The following CIRBP variants were observed in gnomAD, a reference collection of about 807,000 sequenced individuals.
The protein encoded by CIRBP is cold inducible RNA binding protein.
Under a neutral mutation model 22.3 loss-of-function variants are expected in CIRBP, and 11 were observed. The ratio of observed to expected loss-of-function variants is 0.49; its 90% CI spans 0.31 to 0.82. The LOEUF is 0.82. Among genes scored for constraint, CIRBP ranks in the 40% least tolerant of loss-of-function variants. The pLI, the probability that CIRBP is intolerant of heterozygous loss-of-function variation, is 0.05. For synonymous variants in CIRBP, 216 were observed against 158.8 expected, an observed-to-expected ratio of 1.36 and a Z score of -2.71; for missense variants, 456 against 402.7, an observed-to-expected ratio of 1.13 and a Z score of -1.13.
Position 1,271,588 on chromosome 19 carries a change from G to C in CIRBP, c.387G>C (p.Glu129Asp). The change falls in exon 5 of 6, where the codon GAG becomes GAC. Residue 129 changes from glutamate to aspartate, a missense_variant. By Grantham distance (45) the Glu-to-Asp change is conservative. Transcript: ENST00000587896. ...GDRGYGGNRFESRSGGYGGSR... is the reference protein window; with the variant it reads ...GDRGYGGNRFDSRSGGYGGSR... ...GAGGCTATGGGGGGAACCGGTTCGAGTCCAGGAGTGGGGGCTACGGAGGCT... is the reference window on the plus strand; with the variant it reads ...GAGGCTATGGGGGGAACCGGTTCGACTCCAGGAGTGGGGGCTACGGAGGCT... 2 of 1,572,544 alleles carry C rather than the reference G, an allele frequency of 1.3e-6. No individual in the cohort carries two copies. Among genetic ancestry groups the C allele is most frequent in the South Asian group, 1.2e-5 (1 of 86,128 alleles).
At position 1,271,407 on chromosome 19, in the gene CIRBP, T is replaced by C. The variant is rs2081337007; in HGVS notation, c.289T>C (p.Ser97Pro). 3.1e-6 allele frequency: 5 copies of C among 1,613,718 alleles called. No individual in the cohort carries two copies. The East Asian group carries it at 1.1e-4, about 36-fold the overall frequency. The stretch of plus-strand genomic sequence containing the variant: ...CCGATCCCGTGGGTACCGTGGTGGC[T>C]CTGCCGGGGGCCGGGGCTTCTTCCG... ...DNRSRGYRGG[S>P]AGGRGFFRGG... Residue 97 changes from serine to proline, a missense_variant, in exon 4 of 6, where the codon TCT becomes CCT. Ser to Pro is a moderately conservative substitution (Grantham distance 74, BLOSUM62 -1). Around this residue, in one of 2 missense-constraint regions of CIRBP, gnomAD observed 426 missense variants for 339.6 expected, o/e 1.25. Coordinates refer to ENST00000587896, the MANE Select transcript of CIRBP (RefSeq NM_001300829.2).
At chr19:1,271,071 G>T (rs770727594) in intron 2 of CIRBP, 35 bp downstream of exon 2, 8 of 1,611,188 alleles carry the variant, frequency 5.0e-6, no homozygotes, top group Non-Finnish European at 6.8e-6. Context: ...CCCTGGGCGG[G>T]GGGGCTTGTG....
intron 1 of CIRBP, 96 bp from the exon 2 acceptor site, chr19:1,270,832 T>C (rs1370670376): frequency 1.2e-6 from 1 of 829,384 alleles, no homozygotes; most frequent in African/African-American, 1.7e-5. Context: ...TTCTAATATT[T>C]CCCCTAAAAA....
rs905116240 is a variant in CIRBP at position 1,274,453 on chromosome 19, G to A, written c.*2010G>A. 5 of 396,532 alleles carry A rather than the reference G, an allele frequency of 1.3e-5. No homozygotes were observed. Among genetic ancestry groups the A allele is most frequent in the East Asian group, 3.6e-5 (1 of 27,846 alleles). 24.6% of individuals were successfully genotyped at this position (396,532 alleles called of 1,614,324 possible). A position where few individuals can be genotyped will look rare whatever the true frequency, so the allele number is the denominator to read the frequency against. ...AGGCTTGTCCCCTGTAAGTGCTTTCGGGAAGAGTGGCATGTGGCGCTGAGC... is the reference window on the plus strand; with the variant it reads ...AGGCTTGTCCCCTGTAAGTGCTTTCAGGAAGAGTGGCATGTGGCGCTGAGC... On this transcript the variant is annotated 3_prime_UTR_variant, in exon 6 of 6. Coordinates refer to ENST00000587896, the MANE Select transcript of CIRBP (RefSeq NM_001300829.2).
In CIRBP at chr19:1,272,216, C is replaced by T. The variant is rs760007622; in HGVS notation, c.667C>T (p.Gln223Ter). Residue 223 changes from glutamine to a stop codon, truncating the protein, a stop_gained, in exon 6 of 6, where the codon CAA (glutamine) becomes TAA (stop). Transcript: ENST00000587896. LOFTEE classifies it low-confidence loss of function (END_TRUNC). ...SSQSHFYRRT[Q>*]KPNETDQKGK... ...TCAGAGCCATTTCTATCGCAGGACG[C>T]AAAAGCCAAATGAGACTGACCAAAA... The T allele has an allele frequency of 1.9e-6, 3 of 1,594,624 alleles. No individual in the cohort carries two copies. Among genetic ancestry groups the T allele is most frequent in the South Asian group, 1.1e-5 (1 of 90,046 alleles).
In CIRBP at chr19:1,273,146, G is replaced by A. The variant is rs1046378714; in HGVS notation, c.*703G>A. The A allele has an allele frequency of 6.6e-6, 1 of 152,268 alleles. No homozygotes were observed. Among genetic ancestry groups the A allele is most frequent in the African/African-American group, 2.4e-5 (1 of 41,464 alleles). The allele number at this position is 152,268 out of a possible 1,614,324, so 9.4% of individuals were successfully genotyped here. A position where few individuals can be genotyped will look rare whatever the true frequency, so the allele number is the denominator to read the frequency against. On this transcript the variant is annotated 3_prime_UTR_variant, in exon 6 of 6. Transcript: ENST00000587896. The stretch of plus-strand genomic sequence containing the variant: ...ACGCAGTTTTCTTTGGCTTTACGAA[G>A]CCGATTAAAAGACCGTGTGAAATGA...
chr19:1,269,990 C>G (rs1037720014), intron 1 of CIRBP: 1 of 519,898 alleles, frequency 1.9e-6, no homozygotes, highest in African/African-American at 1.9e-5. Flanking sequence ...GCCAGACTTC[C>G]AAGTCTAGTT....
At position 1,270,849 on chromosome 19, in the gene CIRBP, G is replaced by A. The variant is rs1331210549; in HGVS notation, c.-6-79G>A. The A allele has an allele frequency of 2.1e-5, 19 of 900,692 alleles. No homozygotes were observed. In the East Asian group the frequency reaches 2.2e-4, roughly 10 times the overall value. The allele number at this position is 900,692 out of a possible 1,614,324, so 55.8% of individuals were successfully genotyped here. ...CTAATATTTCCCCTAAAAAACACAT[G>A]TCATTTACATAAAATAGGAAGCGGG... On this transcript the variant is annotated intron_variant, in intron 1 of 5. Coordinates refer to ENST00000587896, the MANE Select transcript of CIRBP (RefSeq NM_001300829.2).
Position 1,271,451 on chromosome 19 carries a change from C to A in CIRBP, c.333C>A (p.Gly111=). 1 of 1,610,098 alleles carries A rather than the reference C, an allele frequency of 6.2e-7. No homozygotes were observed. Among genetic ancestry groups the A allele is most frequent in the Admixed American group, 1.7e-5 (1 of 59,718 alleles). ...RGFFRGGRGR[G]RGFSRGGGDR... is the part of the protein sequence containing the mutation. ...TCTTCCGTGGGGGCCGAGGACGGGG[C>A]CGTGGGTTCTCTAGAGGTGAGTGCC... Residue 111 remains glycine, a synonymous_variant, in exon 4 of 6, where the codon GGC becomes GGA. Coordinates refer to ENST00000587896, the MANE Select transcript of CIRBP (RefSeq NM_001300829.2).
rs541188914 is a variant in CIRBP at position 1,272,421 on chromosome 19, C to T, written c.872C>T (p.Ser291Phe). 45 of 1,560,782 alleles carry T rather than the reference C, an allele frequency of 2.9e-5. 1 individual carries two copies. The Admixed American group carries it at 3.2e-4, about 11-fold the overall frequency. The stretch of plus-strand genomic sequence containing the variant: ...CCTTTACACTGTGCCTGCTTCTTGT[C>T]CTCAGCTACACACAACGAGTAAAAA... ...SVPLHCACFL[S>F]SATHNE The change falls in exon 6 of 6, where the codon TCC (serine) becomes TTC (phenylalanine). Residue 291 changes from serine to phenylalanine, a missense_variant. Around this residue, in one of 2 missense-constraint regions of CIRBP, gnomAD observed 426 missense variants for 339.6 expected, o/e 1.25. Transcript: ENST00000587896.
Position 1,271,252 on chromosome 19 carries a change from G to C in CIRBP, c.210+6G>C. 6.2e-7 allele frequency: 1 copy of C among 1,614,026 alleles called. No homozygotes were observed. The highest frequency in any genetic ancestry group is 8.5e-7 in the Non-Finnish European group (1 of 1,179,996). ...TGATGGCCATGAATGGGAAGGTGAG[G>C]ATCAGGGTGCTGAGCAGGAGTCCCG... On this transcript the variant is annotated splice_donor_region_variant and intron_variant, in intron 3 of 5. Transcript: ENST00000587896.
Position 1,271,648 on chromosome 19 carries a change from G to A in CIRBP, c.431+16G>A. ...ACTATAGCAGGTGAGGGGGAGGCCGGCCCAAGCACAGGGGTGGTTGCGGGA... is the reference window on the plus strand; with the variant it reads ...ACTATAGCAGGTGAGGGGGAGGCCGACCCAAGCACAGGGGTGGTTGCGGGA... On this transcript the variant is annotated intron_variant, in intron 5 of 5. Coordinates refer to ENST00000587896, the MANE Select transcript of CIRBP (RefSeq NM_001300829.2). The A allele has an allele frequency of 2.7e-6, 4 of 1,464,304 alleles. No individual in the cohort carries two copies. The highest frequency in any genetic ancestry group is 3.7e-6 in the Non-Finnish European group (4 of 1,071,576). The allele number at this position is 1,464,304 out of a possible 1,614,324, so 90.7% of individuals were successfully genotyped here. A position where few individuals can be genotyped will look rare whatever the true frequency, so the allele number is the denominator to read the frequency against.
rs990825075 is a variant in CIRBP, at chr19:1,273,111, G to A, written c.*668G>A. On this transcript the variant is annotated 3_prime_UTR_variant, in exon 6 of 6. Transcript: ENST00000587896. ...CGATGTTGTATTTGCAGTGGCTGAG[G>A]AATTCTTGTACGCAGTTTTCTTTGG... The A allele has an allele frequency of 6.6e-6, 1 of 152,262 alleles. No individual in the cohort carries two copies. Among genetic ancestry groups the A allele is most frequent in the Non-Finnish European group, 1.5e-5 (1 of 68,052 alleles). 9.4% of individuals were successfully genotyped at this position (152,262 alleles called of 1,614,324 possible).
intron 3 of CIRBP, 25 bp from the exon 4 acceptor site, chr19:1,271,304 A>T (rs372035807): frequency 7.6e-5 from 122 of 1,613,906 alleles, no homozygotes; most frequent in Non-Finnish European, 1.0e-4. Flanking sequence ...CCCACCTGCT[A>T]ACCCGTCCCG....
chr19:1,271,134 G>C lies in CIRBP; in HGVS notation c.104-6G>C, dbSNP rs1568827186. 1 of 1,613,790 alleles carries C rather than the reference G, an allele frequency of 6.2e-7. No homozygotes were observed. Among genetic ancestry groups the C allele is most frequent in the Admixed American group, 1.7e-5 (1 of 60,030 alleles). On this transcript the variant is annotated splice_polypyrimidine_tract_variant and splice_region_variant and intron_variant, in intron 2 of 5. Transcript: ENST00000587896. Reference sequence around the variant, plus strand: ...TGCTGACTGCAGACCTCTCTCCCCTGCACAGTGGTGGTTGTGAAAGACAGG... The same window carrying C: ...TGCTGACTGCAGACCTCTCTCCCCTCCACAGTGGTGGTTGTGAAAGACAGG...
Position 1,274,057 on chromosome 19 carries a change from T to C in CIRBP, c.*1614T>C. 1 of 363,098 alleles carries C rather than the reference T, an allele frequency of 2.8e-6. No individual in the cohort carries two copies. Among genetic ancestry groups the C allele is most frequent in the East Asian group, 3.9e-5 (1 of 25,452 alleles). The allele number at this position is 363,098 out of a possible 1,614,324, so 22.5% of individuals were successfully genotyped here. A position where few individuals can be genotyped will look rare whatever the true frequency, so the allele number is the denominator to read the frequency against. On this transcript the variant is annotated 3_prime_UTR_variant, in exon 6 of 6. Transcript: ENST00000587896. Reference sequence around the variant, plus strand: ...TTAACTTAGCTTTCTCTGATGTCTGTTGCCGCCATTAGTTTTTTTCTAGAG... The same window carrying C: ...TTAACTTAGCTTTCTCTGATGTCTGCTGCCGCCATTAGTTTTTTTCTAGAG...
Position 1,273,209 on chromosome 19 carries a change from C to G in CIRBP, c.*766C>G, listed in dbSNP as rs1019838107. On this transcript the variant is annotated 3_prime_UTR_variant, in exon 6 of 6. Transcript: ENST00000587896. ...CAATTCCCTTGCATTGCACCACACA[C>G]TCCTTGCTGCGGGCTCCTGCAGCCA... 6.6e-6 allele frequency: 1 copy of G among 152,254 alleles called. No homozygotes were observed. The highest frequency in any genetic ancestry group is 2.4e-5 in the African/African-American group (1 of 41,450). 9.4% of individuals were successfully genotyped at this position (152,254 alleles called of 1,614,324 possible).
chr19:1,272,548 A>G lies in CIRBP; in HGVS notation c.*105A>G. 5.0e-6 allele frequency: 5 copies of G among 997,854 alleles called. No homozygotes were observed. Among genetic ancestry groups the G allele is most frequent in the Non-Finnish European group, 7.5e-6 (5 of 667,796 alleles). 61.8% of individuals were successfully genotyped at this position (997,854 alleles called of 1,614,324 possible). ...AGTAAATGCACCTCCTTGTATTCCC[A>G]CTTTCGTAGTCATTTCGGTTCTGAT... is the stretch of plus-strand genomic sequence containing the variant. On this transcript the variant is annotated 3_prime_UTR_variant, in exon 6 of 6. Coordinates refer to ENST00000587896, the MANE Select transcript of CIRBP (RefSeq NM_001300829.2).
chr19:1,274,634 T>G lies in CIRBP; in HGVS notation c.*2191T>G. ...GAGCCCGCGCCTGTTCTCCCTCCCT[T>G]CCTCCTCCTTCCAGGAGGCGCTTCG... On this transcript the variant is annotated 3_prime_UTR_variant, in exon 6 of 6. Coordinates refer to ENST00000587896, the MANE Select transcript of CIRBP (RefSeq NM_001300829.2). 1 of 250,822 alleles carries G rather than the reference T, an allele frequency of 4.0e-6. No individual in the cohort carries two copies. Among genetic ancestry groups the G allele is most frequent in the Non-Finnish European group, 7.6e-6 (1 of 132,204 alleles). The allele number at this position is 250,822 out of a possible 1,614,324, so 15.5% of individuals were successfully genotyped here.
Sources: allele counts gnomAD v4.1 joint callset, GRCh38; gene constraint gnomAD v4.1.1; regional missense constraint gnomAD v4.1.1; transcripts MANE v1.5; gene names NCBI Gene and HGNC (gene_info 2026-07-23, HGNC 2026-07-21).